MAML2: variants seen among roughly 807,000 people sequenced by gnomAD.
MAML2 encodes mastermind-like protein 2.
Under a neutral mutation model 96.1 loss-of-function variants are expected in MAML2, and 22 were observed. The ratio of observed to expected loss-of-function variants is 0.23; its 90% confidence interval spans 0.16 to 0.33. The LOEUF (loss-of-function observed/expected upper bound fraction) is 0.33, where lower values mean the gene tolerates loss of function less well. Ranked by LOEUF, MAML2 falls within the 10% of genes least tolerant of loss-of-function variation. The pLI, the probability that MAML2 is intolerant of heterozygous loss-of-function variation, is 1.00. For missense variants in MAML2, 1,367 were observed against 1,392.4 expected, an observed-to-expected ratio of 0.98 and a Z score of 0.29; for synonymous variants, 561 against 521.3, an observed-to-expected ratio of 1.08 and a Z score of -1.04.
chr11:96,120,920 G>A (rs544528455), intron 1 of MAML2, among the ~76,000 whole-genome samples: 2 of 152,276 alleles, frequency 1.3e-5, no homozygotes, highest in Admixed American at 6.5e-5. Flanking sequence ...CTTAGTTCTT[G>A]CCTCCAAATC....
At chr11:96,301,978 A>G (rs532095483) in intron 1 of MAML2, among the ~76,000 whole-genome samples, 121 of 152,308 alleles carry the variant, frequency 7.9e-4, no homozygotes, top group African/African-American at 2.8e-3. Flanking sequence ...CTTAGTTCTT[A>G]TTTTGGCTTA....
intron 2 of MAML2, among the ~76,000 whole-genome samples, chr11:96,063,414 G>A (rs1000239763): frequency 2.0e-5 from 3 of 152,180 alleles, no homozygotes; most frequent in Non-Finnish European, 2.9e-5. Context: ...CCTGGGGCAT[G>A]TAGCTTGAAT....
intron 1 of MAML2, among the ~76,000 whole-genome samples, chr11:96,133,073 A>G (rs1860571948): frequency 6.6e-6 from 1 of 152,222 alleles, no homozygotes. Flanking sequence ...GATATCTACA[A>G]GGAGATATGT....
At chr11:96,196,120 G>A (rs1263428203) in intron 1 of MAML2, among the ~76,000 whole-genome samples, 1 of 152,198 alleles carries the variant, frequency 6.6e-6, no homozygotes, top group Admixed American at 6.5e-5. Context: ...TACATTGTTA[G>A]AGAGTAAATG....
rs1164999911 is a variant in MAML2 at position 96,254,508 on chromosome 11, C to T, written c.513+86875G>A. Reference sequence around the variant, plus strand: ...TTTTTTACCTATTCTTGTAAGTGTACTATCAGCCAAATAGGTTTGAAAATC... The same window carrying T: ...TTTTTTACCTATTCTTGTAAGTGTATTATCAGCCAAATAGGTTTGAAAATC... On this transcript the variant is annotated intron_variant, in intron 1 of 4. Coordinates refer to ENST00000524717, the MANE Select transcript of MAML2 (RefSeq NM_032427.4). 2.7e-5 allele frequency among the ~76,000 whole-genome samples: 4 copies of T among 149,692 alleles called. No individual in the cohort carries two copies. The Admixed American group carries it at 2.7e-4, about 10-fold the overall frequency.
At chr11:96,257,549 G>C (rs777717281) in intron 1 of MAML2, among the ~76,000 whole-genome samples, 9 of 152,308 alleles carry the variant, frequency 5.9e-5, no homozygotes, top group Non-Finnish European at 1.2e-4. Flanking sequence ...TTTGTTCAGT[G>C]AGCATAATTA....
intron 1 of MAML2, among the ~76,000 whole-genome samples, chr11:96,234,737 T>C (rs920394047): frequency 6.6e-6 from 1 of 152,234 alleles, no homozygotes; most frequent in African/African-American, 2.4e-5. Flanking sequence ...CAAGAGGAAT[T>C]TTGCTGTACA....
intron 1 of MAML2, among the ~76,000 whole-genome samples, chr11:96,299,455 C>T (rs1465991419): frequency 6.6e-6 from 1 of 151,968 alleles, no homozygotes; most frequent in African/African-American, 2.4e-5. Context: ...CCCAGACACT[C>T]ACCTTTCCTG....
At chr11:96,034,432 T>TGTGTGTGTGAGAGAGAGA (rs549312275) in intron 2 of MAML2, among the ~76,000 whole-genome samples, 69 of 135,722 alleles carry the variant, frequency 5.1e-4, no homozygotes, top group African/African-American at 1.3e-3. Context: ...TGTGTGTGTG[T>TGTGTGTGTGAGAGAGAGA]GAGAGAGAGA....
chr11:96,035,562 G>T (rs1248617850), intron 2 of MAML2, among the ~76,000 whole-genome samples: 1 of 152,154 alleles, frequency 6.6e-6, no homozygotes, highest in Non-Finnish European at 1.5e-5. Context: ...AAATCACTGG[G>T]CAACAGTAAC....
intron 1 of MAML2, among the ~76,000 whole-genome samples, chr11:96,203,014 T>C (rs192528231): frequency 3.9e-5 from 6 of 152,118 alleles, no homozygotes; most frequent in Admixed American, 1.3e-4. Flanking sequence ...GCAATAAATA[T>C]GTTGAAAAAA....
intron 1 of MAML2, among the ~76,000 whole-genome samples, chr11:96,148,324 T>C (rs1672151120): frequency 6.6e-6 from 1 of 152,166 alleles, no homozygotes; most frequent in African/African-American, 2.4e-5. Flanking sequence ...GAAGGTCTGA[T>C]TTTGTCAGGC....
At chr11:96,010,660 T>C (rs978104852) in intron 2 of MAML2, among the ~76,000 whole-genome samples, 5 of 152,174 alleles carry the variant, frequency 3.3e-5, no homozygotes, top group Non-Finnish European at 5.9e-5. Flanking sequence ...CAAAAAGTTA[T>C]ATACAGATGT....
Position 95,978,138 on chromosome 11 carries a change from G to GT in MAML2, c.*809dup, listed in dbSNP as rs1261558692. On this transcript the variant is annotated 3_prime_UTR_variant, in exon 5 of 5. Coordinates refer to ENST00000524717, the MANE Select transcript of MAML2 (RefSeq NM_032427.4). ...TCTTATTTATAGCAATGTCCACTGG[G>GT]TTTTTTAAAAAAGTGAAATCTAATG... is the stretch of plus-strand genomic sequence containing the variant. 9.4e-6 allele frequency: 2 copies of GT among 212,764 alleles called. No homozygotes were observed. The highest frequency in any genetic ancestry group is 7.1e-5 in the East Asian group (1 of 14,090). 13.2% of individuals were successfully genotyped at this position (212,764 alleles called of 1,614,324 possible). A position where few individuals can be genotyped will look rare whatever the true frequency, so the allele number is the denominator to read the frequency against.
chr11:96,076,933 T>G (rs1288635034), intron 2 of MAML2, among the ~76,000 whole-genome samples: 2 of 152,074 alleles, frequency 1.3e-5, no homozygotes, highest in African/African-American at 2.4e-5. Context: ...CCATTTCAAG[T>G]GTTCAGAAAA....
chr11:96,194,276 A>G (rs1240894682), intron 1 of MAML2, among the ~76,000 whole-genome samples: 1 of 152,216 alleles, frequency 6.6e-6, no homozygotes, highest in African/African-American at 2.4e-5. Flanking sequence ...TATTCAATTA[A>G]TGGGTCACTT....
At chr11:96,123,061 T>G (rs1860377622) in intron 1 of MAML2, among the ~76,000 whole-genome samples, 1 of 152,220 alleles carries the variant, frequency 6.6e-6, no homozygotes, top group Non-Finnish European at 1.5e-5. Context: ...TGGATACTTT[T>G]GTGCACAGGA....
At chr11:96,134,871 G>T (rs141646189) in intron 1 of MAML2, among the ~76,000 whole-genome samples, 2 of 152,314 alleles carry the variant, frequency 1.3e-5, no homozygotes, top group East Asian at 3.9e-4. Context: ...CCTTCTAAAA[G>T]TCGAGTTGCA....
At chr11:96,050,236 C>T (rs1858969570) in intron 2 of MAML2, among the ~76,000 whole-genome samples, 1 of 152,126 alleles carries the variant, frequency 6.6e-6, no homozygotes, top group African/African-American at 2.4e-5. Flanking sequence ...GTGAGAGAGT[C>T]AACTACACTT....
Sources: allele counts gnomAD v4.1 joint callset (sites outside exome capture counted in the v4.1 genomes callset), GRCh38; gene constraint gnomAD v4.1.1; transcripts MANE v1.5; gene names NCBI Gene and HGNC (gene_info 2026-07-23, HGNC 2026-07-21).